NPAS3: variants seen among roughly 807,000 people sequenced by gnomAD.
The protein encoded by NPAS3 is neuronal PAS domain protein 3.
Under a neutral mutation model 73.1 loss-of-function variants are expected in NPAS3, and 14 were observed. That is an observed-to-expected ratio of 0.19 (90% CI 0.13 to 0.30). The LOEUF (loss-of-function observed/expected upper bound fraction) is 0.30, where lower values mean the gene tolerates loss of function less well. Ranked by LOEUF, NPAS3 falls within the 10% of genes least tolerant of loss-of-function variation. NPAS3 has a pLI of 1.00. For synonymous variants in NPAS3, 620 were observed against 541.5 expected (o/e 1.14, Z -2.01); for missense variants, 1,096 against 1,250.0 (o/e 0.88, Z 1.86).
At chr14:33,102,468 T>A (rs1261543222) in intron 2 of NPAS3, among the ~76,000 whole-genome samples, 1 of 152,158 alleles carries the variant, frequency 6.6e-6, no homozygotes, top group Non-Finnish European at 1.5e-5. Flanking sequence ...TAGAGGTAGA[T>A]GAAAATAGTA....
At chr14:33,076,529 G>A (rs897347714) in intron 2 of NPAS3, among the ~76,000 whole-genome samples, 2 of 152,176 alleles carry the variant, frequency 1.3e-5, no homozygotes, top group African/African-American at 4.8e-5. Context: ...TTATATGAAA[G>A]CTTACATGTC....
chr14:33,339,322 A>G (rs1185070304), intron 3 of NPAS3, among the ~76,000 whole-genome samples: 1 of 152,014 alleles, frequency 6.6e-6, no homozygotes, highest in African/African-American at 2.4e-5. Flanking sequence ...TCTGGGGGTG[A>G]TCTGTTTTAT....
chr14:33,226,508 G>A (rs949822569), intron 3 of NPAS3, among the ~76,000 whole-genome samples: 5 of 151,932 alleles, frequency 3.3e-5, no homozygotes, highest in African/African-American at 9.7e-5. Flanking sequence ...AGTTTTTTGC[G>A]GGTAAAATTT....
chr14:33,532,204 C>G (rs1315769982), intron 4 of NPAS3, among the ~76,000 whole-genome samples: 2 of 152,106 alleles, frequency 1.3e-5, no homozygotes, highest in Non-Finnish European at 2.9e-5. Context: ...AATCACATTA[C>G]AGTAAATCAA....
At chr14:32,961,305 G>A (rs369823247) in intron 1 of NPAS3, among the ~76,000 whole-genome samples, 3 of 151,212 alleles carry the variant, frequency 2.0e-5, no homozygotes, top group Non-Finnish European at 2.9e-5. Flanking sequence ...CCAGCTGTTC[G>A]AAAGGCTGAG....
chr14:32,981,966 T>C (rs1300082992), intron 1 of NPAS3, among the ~76,000 whole-genome samples: 1 of 152,240 alleles, frequency 6.6e-6, no homozygotes, highest in Non-Finnish European at 1.5e-5. Context: ...TCTTGCCTTA[T>C]TTTCTGCTTA....
chr14:33,228,137 T>G, intron 3 of NPAS3, among the ~76,000 whole-genome samples: 1 of 152,348 alleles, frequency 6.6e-6, no homozygotes, highest in East Asian at 1.9e-4. Context: ...TAGTACACAT[T>G]CTAATTAGGG....
At chr14:33,543,939 C>G (rs1335607188) in intron 4 of NPAS3, among the ~76,000 whole-genome samples, 1 of 81,026 alleles carries the variant, frequency 1.2e-5, no homozygotes, top group Non-Finnish European at 2.4e-5. Flanking sequence ...ACAGGTATGG[C>G]AAAGTGCATA....
At chr14:33,268,652 CTG>C (rs1041952789) in intron 3 of NPAS3, among the ~76,000 whole-genome samples, 1 of 152,168 alleles carries the variant, frequency 6.6e-6, no homozygotes, top group African/African-American at 2.4e-5. Flanking sequence ...TTACTGAACA[CTG>C]TGAGAAAGAT....
At chr14:33,423,012 A>G (rs1342014390) in intron 4 of NPAS3, among the ~76,000 whole-genome samples, 6 of 151,988 alleles carry the variant, frequency 3.9e-5, no homozygotes, top group African/African-American at 9.7e-5. Flanking sequence ...CAATAAACAT[A>G]CTTGATAAAA....
chr14:33,558,635 C>CAT (rs994006292), intron 4 of NPAS3, among the ~76,000 whole-genome samples: 1 of 151,142 alleles, frequency 6.6e-6, no homozygotes, highest in Non-Finnish European at 1.5e-5. Context: ...TATATATACA[C>CAT]ATATATATAT....
chr14:33,106,688 C>T (rs1279331), intron 2 of NPAS3, among the ~76,000 whole-genome samples: 86,045 of 151,788 alleles, frequency 0.57, 25,044 homozygotes, highest in East Asian at 0.74. Context: ...AAAAGATCAC[C>T]TTATTTCCAG....
chr14:33,195,090 C>T (rs1267437984), intron 2 of NPAS3, among the ~76,000 whole-genome samples: 2 of 152,026 alleles, frequency 1.3e-5, no homozygotes, highest in East Asian at 1.9e-4. Context: ...CAGCAACCAA[C>T]GTGTATTTGT....
At chr14:33,613,961 C>T (rs111871312) in intron 5 of NPAS3, among the ~76,000 whole-genome samples, 1 of 152,126 alleles carries the variant, frequency 6.6e-6, no homozygotes, top group African/African-American at 2.4e-5. Context: ...TCCTTTAGGC[C>T]GGAAACTCAC....
chr14:33,472,217 G>A (rs890370317), intron 4 of NPAS3, among the ~76,000 whole-genome samples: 1 of 152,200 alleles, frequency 6.6e-6, no homozygotes, highest in Admixed American at 6.5e-5. Context: ...GGGGGCTGAG[G>A]TTATGTAGAT....
At chr14:33,215,956 A>AT (rs912437530) in intron 3 of NPAS3, among the ~76,000 whole-genome samples, 5 of 152,184 alleles carry the variant, frequency 3.3e-5, no homozygotes, top group Non-Finnish European at 7.3e-5. Context: ...ATAAACATAT[A>AT]TTTTTTATTC....
intron 2 of NPAS3, among the ~76,000 whole-genome samples, chr14:33,186,835 T>C (rs1261871792): frequency 3.3e-5 from 5 of 152,156 alleles, no homozygotes; most frequent in Non-Finnish European, 7.3e-5. Flanking sequence ...GATGGTTTTG[T>C]CCCTAGGGAA....
chr14:33,549,362 G>T (rs952236547), intron 4 of NPAS3, among the ~76,000 whole-genome samples: 10 of 152,122 alleles, frequency 6.6e-5, no homozygotes, highest in Non-Finnish European at 1.5e-4. Context: ...CTCCTGAGTA[G>T]CTGGGACCAC....
intron 2 of NPAS3, among the ~76,000 whole-genome samples, chr14:33,191,396 A>C (rs961800673): frequency 2.0e-5 from 3 of 152,204 alleles, no homozygotes; most frequent in African/African-American, 4.8e-5. Context: ...TTATTATACA[A>C]ATACAAGTAG....
Sources: allele counts gnomAD v4.1 joint callset (sites outside exome capture counted in the v4.1 genomes callset), GRCh38; gene constraint gnomAD v4.1.1; transcripts MANE v1.5; gene names NCBI Gene and HGNC (gene_info 2026-07-23, HGNC 2026-07-21).